The following PM20D2 variants were observed in gnomAD, a reference collection of about 807,000 sequenced individuals.
PM20D2 encodes the protein peptidase M20 domain containing 2, also known as xaa-Arg dipeptidase.
In PM20D2, 33 loss-of-function variants were observed where a neutral mutation model predicts 42.9. That is an observed-to-expected ratio of 0.77 (90% CI 0.58 to 1.03). The LOEUF is 1.03. Ranked by LOEUF, PM20D2 falls within the 50% of genes least tolerant of loss-of-function variation. The pLI, the probability that PM20D2 is intolerant of heterozygous loss-of-function variation, is 0.00. For missense variants in PM20D2, 548 were observed against 557.0 expected (o/e 0.98, Z 0.16); for synonymous variants, 250 against 228.2 (o/e 1.10, Z -0.86).
Position 89,146,579 on chromosome 6 carries a change from G to A in PM20D2, c.435G>A (p.Glu145=). 1 of 1,477,288 alleles carries A rather than the reference G, an allele frequency of 6.8e-7. No homozygotes were observed. The highest frequency in any genetic ancestry group is 8.9e-7 in the Non-Finnish European group (1 of 1,120,636). 91.5% of individuals were successfully genotyped at this position (1,477,288 alleles called of 1,614,324 possible). The change falls in exon 1 of 7, where the codon GAG becomes GAA. Residue 145 remains glutamate, a synonymous_variant. Coordinates refer to ENST00000275072, the MANE Select transcript of PM20D2 (RefSeq NM_001010853.3). The part of the protein sequence containing the change: ...AAALGVRGAL[E]GLPRPPPPVK... ...CGCTGGGCGTGAGGGGGGCCTTAGA[G>A]GGCCTCCCCAGGCCGCCTCCGCCCG...
the PM20D2 span, among the ~76,000 whole-genome samples, chr6:89,102,748 A>T: frequency 6.6e-6 from 1 of 151,724 alleles, no homozygotes. Flanking sequence ...ACATTTTAAT[A>T]ATTTATTTAT....
At position 89,161,640 on chromosome 6, in the gene PM20D2, C is replaced by T. The variant is rs571788964; in HGVS notation, c.1049-143C>T. On this transcript the variant is annotated intron_variant, in intron 5 of 6. Coordinates refer to ENST00000275072, the MANE Select transcript of PM20D2 (RefSeq NM_001010853.3). ...GGTGGCAGACTCAGTGGAAGGTGAG[C>T]CCATGAAAGCATGAGCATACGGACA... is the stretch of plus-strand genomic sequence containing the variant. The T allele has an allele frequency of 1.7e-4, 113 of 655,068 alleles. 1 individual carries two copies. The South Asian group carries it at 2.1e-3, about 12-fold the overall frequency. 40.6% of individuals were successfully genotyped at this position (655,068 alleles called of 1,614,324 possible).
the PM20D2 span, among the ~76,000 whole-genome samples, chr6:89,118,534 G>T: frequency 6.6e-6 from 1 of 152,182 alleles, no homozygotes. Flanking sequence ...TGCCCAGGTG[G>T]TCTCAAACTC....
At chr6:89,119,662 C>T in the PM20D2 span, among the ~76,000 whole-genome samples, 3 of 152,282 alleles carry the variant, frequency 2.0e-5, no homozygotes, top group African/African-American at 2.4e-5. Context: ...TCCAGGTGTC[C>T]GCAGGGCCAT....
At chr6:89,099,515 T>TACAC in the PM20D2 span, among the ~76,000 whole-genome samples, 3 of 133,140 alleles carry the variant, frequency 2.3e-5, no homozygotes, top group Non-Finnish European at 4.6e-5. Flanking sequence ...TATATATATA[T>TACAC]ACACACACAC....
chr6:89,126,052 A>G, the PM20D2 span, among the ~76,000 whole-genome samples: 6 of 151,790 alleles, frequency 4.0e-5, no homozygotes, highest in Non-Finnish European at 2.9e-5. Context: ...TGCCACTACA[A>G]TGCAGCCGGG....
In PM20D2 at chr6:89,165,145, T is replaced by G. The variant is rs1771378128; in HGVS notation, c.*2882T>G. ...CAAAAGAAATTGATACAATAAGTTT[T>G]TTTTTTTAAGGATGATTGTCTAATT... On this transcript the variant is annotated 3_prime_UTR_variant, in exon 7 of 7. Coordinates refer to ENST00000275072, the MANE Select transcript of PM20D2 (RefSeq NM_001010853.3). 1 of 152,006 alleles carries G rather than the reference T, an allele frequency of 6.6e-6. No homozygotes were observed. Among genetic ancestry groups the G allele is most frequent in the African/African-American group, 2.4e-5 (1 of 41,426 alleles). The allele number at this position is 152,006 out of a possible 1,614,324, so 9.4% of individuals were successfully genotyped here.
At position 89,162,140 on chromosome 6, in the gene PM20D2, G is replaced by T. The variant is rs752637085; in HGVS notation, c.1188G>T (p.Arg396=). 1.2e-6 allele frequency: 2 copies of T among 1,614,090 alleles called. No homozygotes were observed. The highest frequency in any genetic ancestry group is 2.2e-5 in the South Asian group (2 of 91,066). Reference sequence around the variant, plus strand: ...AGGAAGCTCAGTTCTACACTCTGCGGACGGCCAAAGCTCTGGCAATGACGG... The same window carrying T: ...AGGAAGCTCAGTTCTACACTCTGCGTACGGCCAAAGCTCTGGCAATGACGG... The part of the protein sequence containing the change: ...GSQEAQFYTL[R]TAKALAMTAL... Residue 396 remains arginine, a synonymous_variant, in exon 7 of 7, where the codon CGG becomes CGT. Transcript: ENST00000275072.
At chr6:89,154,688 T>C in intron 3 of PM20D2, 60 bp from the exon 4 acceptor site, 1 of 1,244,762 alleles carries the variant, frequency 8.0e-7, no homozygotes, top group South Asian at 1.9e-5. Context: ...TTAATGGGTG[T>C]ATTTAAGCTT....
intron 2 of PM20D2, among the ~76,000 whole-genome samples, chr6:89,150,097 C>A (rs1004002953): frequency 2.0e-5 from 3 of 152,142 alleles, no homozygotes; most frequent in Non-Finnish European, 4.4e-5. Flanking sequence ...TTCAGCAAAA[C>A]CATGTGTTTT....
the PM20D2 span, among the ~76,000 whole-genome samples, chr6:89,133,301 C>T: frequency 1.1e-3 from 164 of 151,048 alleles, 6 homozygotes; most frequent in African/African-American, 3.9e-3. Context: ...AAATGACATT[C>T]GATAAAACTT....
chr6:89,143,126 G>T (rs531982880), upstream of PM20D2, among the ~76,000 whole-genome samples: 4 of 150,730 alleles, frequency 2.7e-5, no homozygotes, highest in African/African-American at 9.8e-5. Context: ...CTCATGCTTT[G>T]CCATGAGCTC....
the PM20D2 span, chr6:89,105,683 T>G: frequency 3.6e-5 from 18 of 493,956 alleles, no homozygotes; most frequent in African/African-American, 3.4e-4. Flanking sequence ...GAAAAAAAAC[T>G]TTCACTTTTT....
At chr6:89,135,556 G>A in the PM20D2 span, among the ~76,000 whole-genome samples, 1 of 151,256 alleles carries the variant, frequency 6.6e-6, no homozygotes, top group Non-Finnish European at 1.5e-5. Context: ...TGGCATATGA[G>A]TTTATATTAT....
chr6:89,147,849 C>T (rs1005015167), intron 1 of PM20D2, among the ~76,000 whole-genome samples: 1 of 150,782 alleles, frequency 6.6e-6, no homozygotes, highest in Non-Finnish European at 1.5e-5. Flanking sequence ...GCCGACATCG[C>T]GCCACTGCAC....
At chr6:89,095,430 C>A in the PM20D2 span, among the ~76,000 whole-genome samples, 1 of 152,110 alleles carries the variant, frequency 6.6e-6, no homozygotes, top group Non-Finnish European at 1.5e-5. Context: ...GTTGATCTGC[C>A]AACCTCAGCC....
intron 3 of PM20D2, 53 bp downstream of exon 3, chr6:89,153,238 C>T: frequency 1.5e-6 from 2 of 1,306,142 alleles, no homozygotes; most frequent in South Asian, 2.1e-5. Flanking sequence ...TAGTTCAGTG[C>T]AGTATAATTA....
intron 5 of PM20D2, among the ~76,000 whole-genome samples, chr6:89,159,646 T>C (rs753825828): frequency 6.6e-6 from 1 of 151,952 alleles, no homozygotes; most frequent in African/African-American, 2.4e-5. Flanking sequence ...GAAAAGAAAA[T>C]AGTTTTTAAG....
the PM20D2 span, among the ~76,000 whole-genome samples, chr6:89,107,584 A>T: frequency 1.1e-4 from 16 of 152,132 alleles, no homozygotes; most frequent in East Asian, 2.9e-3. Context: ...TACAAAAATC[A>T]GCCAGGTGTG....
Sources: gnomAD v4.1 joint callset for allele counts (sites outside exome capture counted in the v4.1 genomes callset) on GRCh38, gnomAD v4.1.1 for gene constraint, MANE v1.5 for transcripts, NCBI Gene and HGNC (gene_info 2026-07-23, HGNC 2026-07-21) for gene names.